FRMPD3: variants seen among roughly 807,000 people sequenced by gnomAD.
FRMPD3 encodes FERM and PDZ domain-containing protein 3.
A neutral mutation model predicts 97.9 loss-of-function variants in FRMPD3; 42 were observed. The ratio of observed to expected loss-of-function variants is 0.43; its 90% CI spans 0.34 to 0.55. FRMPD3 has a LOEUF of 0.55. FRMPD3 is among the 20% of genes least tolerant of loss of function. The pLI, the probability that FRMPD3 is intolerant of heterozygous loss-of-function variation, is 0.03. For synonymous variants in FRMPD3, 577 were observed against 581.1 expected, an observed-to-expected ratio of 0.99 and a Z score of 0.10; for missense variants, 1,303 against 1,457.7, an observed-to-expected ratio of 0.89 and a Z score of 1.73.
chrX:107,585,821 A>C (rs1008868570), intron 13 of FRMPD3, among the ~76,000 whole-genome samples: 1 of 111,880 alleles, frequency 8.9e-6, no homozygotes, highest in Non-Finnish European at 1.9e-5. Context: ...AAGTTTTTCG[A>C]TGTGCTGCTG....
At chrX:107,564,822 G>A (rs1455655023) in intron 11 of FRMPD3, 65 bp from the exon 12 acceptor site, 2 of 1,104,524 alleles carry the variant, frequency 1.8e-6, no homozygotes, top group African/African-American at 3.6e-5. Context: ...TCCTCCTCCT[G>A]CCTCCTCTCC....
intron 1 of FRMPD3, among the ~76,000 whole-genome samples, chrX:107,524,275 T>C (rs1490947352): frequency 8.9e-6 from 1 of 112,517 alleles, no homozygotes; most frequent in Non-Finnish European, 1.9e-5. Flanking sequence ...CCTCAGAGGG[T>C]CCCTGTCCTA....
Position 107,597,449 on chromosome X carries a change from G to A in FRMPD3, c.1570G>A (p.Glu524Lys), listed in dbSNP as rs749905937. The change falls in exon 14 of 15, where the codon GAG (glutamate) becomes AAG (lysine). Residue 524 changes from glutamate to lysine, a missense_variant. Glu to Lys is a moderately conservative substitution (Grantham distance 56). Coordinates refer to ENST00000683843, the MANE Select transcript of FRMPD3 (RefSeq NM_001388459.1). ...SRCTPPPADS[E>K]LVSFCYLHMR... ...CTGCACGCCCCCACCTGCCGACTCT[G>A]AGCTTGTCAGCTTCTGCTACCTCCA... The A allele has an allele frequency of 8.3e-7, 1 of 1,209,368 alleles. No homozygotes were observed. Among genetic ancestry groups the A allele is most frequent in the East Asian group, 3.0e-5 (1 of 33,771 alleles).
rs1386615141 is a variant in FRMPD3, at chrX:107,604,331, A to G, written c.*958A>G. The G allele has an allele frequency of 1.9e-5, 2 of 102,962 alleles. No individual in the cohort carries two copies. Among genetic ancestry groups the G allele is most frequent in the African/African-American group, 7.1e-5 (2 of 28,009 alleles). 8.5% of individuals were successfully genotyped at this position (102,962 alleles called of 1,213,427 possible). ...GTAGGGGTGGGGGGTGTTGATGACTATATCTTAAACTTCTGGAAGCTAGCG... is the reference window on the plus strand; with the variant it reads ...GTAGGGGTGGGGGGTGTTGATGACTGTATCTTAAACTTCTGGAAGCTAGCG... On this transcript the variant is annotated 3_prime_UTR_variant, in exon 15 of 15. Transcript: ENST00000683843.
At chrX:107,510,133 G>A (rs770161025) in intron 1 of FRMPD3, among the ~76,000 whole-genome samples, 1 of 111,176 alleles carries the variant, frequency 9.0e-6, no homozygotes, top group Non-Finnish European at 1.9e-5. Context: ...AACAAAAATT[G>A]TAATCCCCAA....
At chrX:107,533,607 C>A in intron 4 of FRMPD3, 57 bp downstream of exon 4, 1 of 1,087,060 alleles carries the variant, frequency 9.2e-7, no homozygotes, top group Non-Finnish European at 1.3e-6. Context: ...GATGACATTT[C>A]CATATTGGAA....
At chrX:107,521,465 T>C (rs964397553) in intron 1 of FRMPD3, among the ~76,000 whole-genome samples, 1 of 112,697 alleles carries the variant, frequency 8.9e-6, no homozygotes, top group African/African-American at 3.2e-5. Context: ...GATTTGTATG[T>C]ACTTTAAAGT....
intron 1 of FRMPD3, chrX:107,522,339 A>G: frequency 1.9e-6 from 1 of 523,208 alleles, no homozygotes; most frequent in East Asian, 3.4e-5. Context: ...TCATTCTCCC[A>G]ACAACACGGA....
rs1434771656 is a variant in FRMPD3 at position 107,552,987 on chromosome X, C to T, written c.642+61C>T. 5.5e-6 allele frequency: 6 copies of T among 1,088,695 alleles called. No individual in the cohort carries two copies. In the East Asian group the frequency reaches 1.9e-4, roughly 34 times the overall value. The allele number at this position is 1,088,695 out of a possible 1,213,427, so 89.7% of individuals were successfully genotyped here. ...GGCCTCTAGTAGAGAAGACCCAAGG[C>T]ACTCCCTGTCTGGAAAATTTATAAT... On this transcript the variant is annotated intron_variant, in intron 7 of 14. Transcript: ENST00000683843.
At chrX:107,536,691 C>T (rs191933748) in intron 4 of FRMPD3, among the ~76,000 whole-genome samples, 2 of 112,046 alleles carry the variant, frequency 1.8e-5, no homozygotes, top group East Asian at 2.8e-4. Context: ...CCCAAGAGTA[C>T]GATTGCTGGA....
At position 107,504,938 on chromosome X, in the gene FRMPD3, C is replaced by T. The variant is rs530573714; in HGVS notation, c.-7-21644C>T. 1.3e-4 allele frequency among the ~76,000 whole-genome samples: 15 copies of T among 112,158 alleles called. No homozygotes were observed. In the South Asian group the frequency reaches 1.9e-3, roughly 14 times the overall value. ...CCATTCACGTCCCCAAAACAATCTCCGAGGTTTAAGGCCAAGTCATCACTA... is the reference window on the plus strand; with the variant it reads ...CCATTCACGTCCCCAAAACAATCTCTGAGGTTTAAGGCCAAGTCATCACTA... On this transcript the variant is annotated intron_variant, in intron 1 of 14. Coordinates refer to ENST00000683843, the MANE Select transcript of FRMPD3 (RefSeq NM_001388459.1).
At chrX:107,533,355 G>A in intron 3 of FRMPD3, 150 bp from the exon 4 acceptor site, 1 of 438,149 alleles carries the variant, frequency 2.3e-6, no homozygotes, top group Non-Finnish European at 3.9e-6. Context: ...AATGATGGGA[G>A]GTGAAGTGTC....
rs775299172 is a variant in FRMPD3, at chrX:107,600,471, G to A, written c.2432G>A (p.Arg811His). 5.8e-6 allele frequency: 7 copies of A among 1,208,556 alleles called. No individual in the cohort carries two copies. The highest frequency in any genetic ancestry group is 5.9e-5 in the East Asian group (2 of 33,708). The change falls in exon 15 of 15, where the codon CGC becomes CAC. Residue 811 changes from arginine (R) to histidine (H), a missense_variant. Arg to His is a conservative substitution (Grantham distance 29). Around this residue, in one of 3 missense-constraint regions of FRMPD3, gnomAD observed 764 missense variants for 820.2 expected, o/e 0.93. Coordinates refer to ENST00000683843, the MANE Select transcript of FRMPD3 (RefSeq NM_001388459.1). ...QHLNKDSLLA[R>H]KDLPFRIQSC... ...CTCAACAAGGACAGCCTCCTTGCCCGCAAGGACCTGCCCTTCCGGATCCAG... is the reference window on the plus strand; with the variant it reads ...CTCAACAAGGACAGCCTCCTTGCCCACAAGGACCTGCCCTTCCGGATCCAG...
rs1569431431 is a variant in FRMPD3, at chrX:107,601,287, G to A, written c.3248G>A (p.Gly1083Asp). The A allele has an allele frequency of 1.7e-5, 20 of 1,208,681 alleles. No individual in the cohort carries two copies. Among genetic ancestry groups the A allele is most frequent in the Non-Finnish European group, 2.1e-5 (19 of 893,690 alleles). The change falls in exon 15 of 15, where the codon GGC becomes GAC. Residue 1083 changes from glycine (G) to aspartate (D), a missense_variant. Around this residue, in one of 3 missense-constraint regions of FRMPD3, gnomAD observed 764 missense variants for 820.2 expected, o/e 0.93. Transcript: ENST00000683843. ...AAGCAAGCTACAGGGGAGGTGGCAGGCAAAGGCGGGCCAGTGGGTGGTAAG... is the reference window on the plus strand; with the variant it reads ...AAGCAAGCTACAGGGGAGGTGGCAGACAAAGGCGGGCCAGTGGGTGGTAAG... Reference protein sequence around the residue: ...VGKQATGEVAGKGGPVGGKPT... With the variant: ...VGKQATGEVADKGGPVGGKPT...
chrX:107,536,222 A>G (rs1283283525), intron 4 of FRMPD3, among the ~76,000 whole-genome samples: 1 of 110,300 alleles, frequency 9.1e-6, no homozygotes, highest in Non-Finnish European at 1.9e-5. Flanking sequence ...TAGGTGTGGT[A>G]GGGCACACCT....
At chrX:107,506,863 G>T (rs1170173372) in intron 1 of FRMPD3, among the ~76,000 whole-genome samples, 1 of 112,079 alleles carries the variant, frequency 8.9e-6, no homozygotes, top group Non-Finnish European at 1.9e-5. Context: ...TCTAAGGCAG[G>T]TTTCTAAGGT....
At chrX:107,524,102 G>A (rs748698568) in intron 1 of FRMPD3, among the ~76,000 whole-genome samples, 16 of 112,324 alleles carry the variant, frequency 1.4e-4, no homozygotes, top group Non-Finnish European at 3.0e-4. Flanking sequence ...TCCTTTTAGC[G>A]CCAACAAGTC....
chrX:107,579,763 C>G (rs1363964060), intron 13 of FRMPD3, among the ~76,000 whole-genome samples: 3 of 111,057 alleles, frequency 2.7e-5, no homozygotes, highest in African/African-American at 9.8e-5. Context: ...TCTCTGTATC[C>G]TGGGGTAATC....
At chrX:107,454,637 A>C (rs1026272843) in intron 1 of FRMPD3, among the ~76,000 whole-genome samples, 5 of 111,551 alleles carry the variant, frequency 4.5e-5, no homozygotes, top group African/African-American at 6.5e-5. Flanking sequence ...CAACTGCTAG[A>C]TTAATGTTGT....
Sources: gnomAD v4.1 joint callset for allele counts (sites outside exome capture counted in the v4.1 genomes callset) on GRCh38, gnomAD v4.1.1 for gene constraint, gnomAD v4.1.1 regional missense constraint, MANE v1.5 for transcripts, NCBI Gene and HGNC (gene_info 2026-07-23, HGNC 2026-07-21) for gene names.